Variants in MSRB3 observed in about 807,000 individuals in gnomAD.
MSRB3 encodes methionine-R-sulfoxide reductase B3.
MSRB3 carries 13 observed loss-of-function variants against 21.0 expected under a neutral mutation model. That is an observed-to-expected ratio of 0.62 (90% CI 0.40 to 0.98). The LOEUF (loss-of-function observed/expected upper bound fraction) is 0.98. Among genes scored for constraint, MSRB3 ranks in the 50% least tolerant of loss-of-function variants. The pLI, the probability that MSRB3 is intolerant of heterozygous loss-of-function variation, is 0.00. For missense variants in MSRB3, 199 were observed against 230.3 expected, an observed-to-expected ratio of 0.86 and a Z score of 0.88; for synonymous variants, 87 against 88.6, an observed-to-expected ratio of 0.98 and a Z score of 0.10.
At chr12:65,297,771 C>T (rs1036768812) in intron 1 of MSRB3, among the ~76,000 whole-genome samples, 3 of 152,032 alleles carry the variant, frequency 2.0e-5, no homozygotes, top group Non-Finnish European at 4.4e-5. Flanking sequence ...TAGTACACAG[C>T]CCTTTTGCAG....
rs1379678977 is a variant in MSRB3, at chr12:65,465,540, G to A, written c.*2218G>A. On this transcript the variant is annotated 3_prime_UTR_variant, in exon 7 of 7. Coordinates refer to ENST00000308259, the MANE Select transcript of MSRB3 (RefSeq NM_001031679.3). Reference sequence around the variant, plus strand: ...TGTGGCCATGTCCACATTCCTACATGTCTCTCTCTACAAGCACCTCTCTAA... The same window carrying A: ...TGTGGCCATGTCCACATTCCTACATATCTCTCTCTACAAGCACCTCTCTAA... The A allele has an allele frequency of 6.6e-6, 1 of 152,176 alleles. No individual in the cohort carries two copies. Among genetic ancestry groups the A allele is most frequent in the Non-Finnish European group, 1.5e-5 (1 of 68,028 alleles). The allele number at this position is 152,176 out of a possible 1,614,324, so 9.4% of individuals were successfully genotyped here. A position where few individuals can be genotyped will look rare whatever the true frequency, so the allele number is the denominator to read the frequency against.
At chr12:65,295,882 A>C (rs1872933702) in intron 1 of MSRB3, among the ~76,000 whole-genome samples, 1 of 152,214 alleles carries the variant, frequency 6.6e-6, no homozygotes, top group Non-Finnish European at 1.5e-5. Context: ...AAGACCTGTA[A>C]TGTCATAGAT....
chr12:65,411,852 T>C (rs1271672278), intron 5 of MSRB3, among the ~76,000 whole-genome samples: 1 of 150,746 alleles, frequency 6.6e-6, no homozygotes, highest in Non-Finnish European at 1.5e-5. Context: ...GATTTATATG[T>C]ATATAAAAAA....
chr12:65,458,254 TC>T (rs1324299012), intron 6 of MSRB3, among the ~76,000 whole-genome samples: 2 of 152,166 alleles, frequency 1.3e-5, no homozygotes, highest in East Asian at 3.9e-4. Context: ...GTGCTTAGGA[TC>T]CTTTTTTAAA....
At chr12:65,322,162 T>C (rs1283880438) in intron 2 of MSRB3, among the ~76,000 whole-genome samples, 2 of 152,176 alleles carry the variant, frequency 1.3e-5, no homozygotes, top group African/African-American at 4.8e-5. Context: ...GAATCCTGTA[T>C]GAAACTTGTC....
chr12:65,447,181 G>T (rs78955754), intron 5 of MSRB3, among the ~76,000 whole-genome samples: 1 of 152,090 alleles, frequency 6.6e-6, no homozygotes, highest in Admixed American at 6.6e-5. Context: ...CAGAGGAAAG[G>T]CTTGCTAAGG....
intron 4 of MSRB3, among the ~76,000 whole-genome samples, chr12:65,339,030 T>C (rs1875966286): frequency 6.6e-6 from 1 of 152,088 alleles, no homozygotes; most frequent in South Asian, 2.1e-4. Flanking sequence ...TGAGCCAAGA[T>C]TGTGACACTG....
chr12:65,401,354 C>T (rs889122563), intron 5 of MSRB3, among the ~76,000 whole-genome samples: 9 of 152,142 alleles, frequency 5.9e-5, no homozygotes, highest in East Asian at 1.9e-4. Flanking sequence ...GATTCCTTTA[C>T]GATTATGTAA....
At position 65,453,744 on chromosome 12, in the gene MSRB3, C is replaced by T. The variant is rs140600679; in HGVS notation, c.309C>T (p.His103=). The part of the protein sequence containing the change: ...FDSGSGWPSF[H]DVINSEAITF... ...GTGTCCCAGGTTGGCCTTCATTCCA[C>T]GATGTGATCAATTCTGAGGCAATCA... The change falls in exon 6 of 7, where the codon CAC becomes CAT. Residue 103 remains histidine (H), a synonymous_variant. Transcript: ENST00000308259. 54 of 1,613,884 alleles carry T rather than the reference C, an allele frequency of 3.3e-5. No individual in the cohort carries two copies. Among genetic ancestry groups the T allele is most frequent in the Non-Finnish European group, 3.9e-5 (46 of 1,179,956 alleles).
intron 5 of MSRB3, among the ~76,000 whole-genome samples, chr12:65,372,748 G>A (rs1878393847): frequency 6.6e-6 from 1 of 152,228 alleles, no homozygotes; most frequent in Admixed American, 6.5e-5. Flanking sequence ...GAAAGAGGCA[G>A]AGAACTGTGG....
At chr12:65,461,603 A>G (rs1883333422) in intron 6 of MSRB3, among the ~76,000 whole-genome samples, 1 of 152,148 alleles carries the variant, frequency 6.6e-6, no homozygotes, top group African/African-American at 2.4e-5. Context: ...TTGAGAATTG[A>G]GCTTAGCATG....
At chr12:65,428,421 A>G (rs1881712852) in intron 5 of MSRB3, among the ~76,000 whole-genome samples, 2 of 152,068 alleles carry the variant, frequency 1.3e-5, no homozygotes, top group Non-Finnish European at 2.9e-5. Context: ...GGGGGTGCTA[A>G]AGGGAGAAAG....
intron 2 of MSRB3, among the ~76,000 whole-genome samples, chr12:65,317,790 G>C (rs1326505247): frequency 6.6e-6 from 1 of 152,128 alleles, no homozygotes; most frequent in Non-Finnish European, 1.5e-5. Flanking sequence ...TTAAGCAAAT[G>C]TTATTGTTGC....
intron 5 of MSRB3, among the ~76,000 whole-genome samples, chr12:65,430,954 T>C (rs925908779): frequency 2.6e-5 from 4 of 152,102 alleles, no homozygotes; most frequent in South Asian, 2.1e-4. Flanking sequence ...TGAATACAAG[T>C]TCAAGTTTGC....
chr12:65,390,603 T>C (rs1879430059), intron 5 of MSRB3, among the ~76,000 whole-genome samples: 1 of 152,196 alleles, frequency 6.6e-6, no homozygotes, highest in South Asian at 2.1e-4. Flanking sequence ...AATTTGGTAA[T>C]TGTTTAAACC....
intron 5 of MSRB3, among the ~76,000 whole-genome samples, chr12:65,451,367 G>A (rs1302671506): frequency 6.6e-6 from 1 of 152,022 alleles, no homozygotes; most frequent in East Asian, 1.9e-4. Flanking sequence ...GAAATCTTTT[G>A]AGACCTGCAC....
intron 4 of MSRB3, among the ~76,000 whole-genome samples, chr12:65,353,503 A>G (rs1031380022): frequency 6.6e-6 from 1 of 151,008 alleles, no homozygotes; most frequent in African/African-American, 2.4e-5. Flanking sequence ...CCCTTTTGAT[A>G]TTTGTTGGTT....
intron 5 of MSRB3, among the ~76,000 whole-genome samples, chr12:65,380,529 C>T (rs1028646684): frequency 1.6e-4 from 25 of 152,182 alleles, no homozygotes; most frequent in Admixed American, 1.4e-3. Context: ...GAGCCAAGAT[C>T]GCACCACTGT....
At chr12:65,419,488 A>C in intron 5 of MSRB3, 1 of 741,346 alleles carries the variant, frequency 1.3e-6, no homozygotes, top group Non-Finnish European at 2.5e-6. Context: ...GTCGCTCTCC[A>C]CAGACTGGCG....
Sources: allele counts gnomAD v4.1 joint callset (sites outside exome capture counted in the v4.1 genomes callset), GRCh38; gene constraint gnomAD v4.1.1; transcripts MANE v1.5; gene names NCBI Gene and HGNC (gene_info 2026-07-23, HGNC 2026-07-21).